Variants in ZNF385B observed in about 807,000 individuals in gnomAD.
ZNF385B encodes the protein zinc finger protein 533.
A neutral mutation model predicts 39.2 loss-of-function variants in ZNF385B; 23 were observed. The ratio of observed to expected loss-of-function variants is 0.59; its 90% CI spans 0.42 to 0.83. The LOEUF (loss-of-function observed/expected upper bound fraction) is 0.83, where lower values mean the gene tolerates loss of function less well. ZNF385B is among the 40% of genes least tolerant of loss of function. The pLI, the probability that ZNF385B is intolerant of heterozygous loss-of-function variation, is 0.00. For synonymous variants in ZNF385B, 205 were observed against 222.6 expected, an observed-to-expected ratio of 0.92 and a Z score of 0.70; for missense variants, 552 against 598.9, an observed-to-expected ratio of 0.92 and a Z score of 0.82.
At chr2:179,691,127 A>AT (rs1372146932) in intron 3 of ZNF385B, among the ~76,000 whole-genome samples, 2 of 152,156 alleles carry the variant, frequency 1.3e-5, no homozygotes, top group Non-Finnish European at 2.9e-5. Context: ...AATCACATTG[A>AT]TTTGTGCTAT....
chr2:179,695,299 A>T (rs1270133984), intron 3 of ZNF385B, among the ~76,000 whole-genome samples: 1 of 152,190 alleles, frequency 6.6e-6, no homozygotes, highest in Non-Finnish European at 1.5e-5. Flanking sequence ...TAGATATGAT[A>T]CCAAAAATAT....
At chr2:179,652,010 A>G (rs551578926) in intron 3 of ZNF385B, among the ~76,000 whole-genome samples, 1 of 152,292 alleles carries the variant, frequency 6.6e-6, no homozygotes, top group East Asian at 1.9e-4. Context: ...CTGTACTGCC[A>G]GAGAAAATTT....
intron 5 of ZNF385B, among the ~76,000 whole-genome samples, chr2:179,495,330 G>A (rs2056085165): frequency 6.6e-6 from 1 of 152,190 alleles, no homozygotes; most frequent in Non-Finnish European, 1.5e-5. Context: ...TGCCAGCTCA[G>A]CCTCAATACA....
At position 179,665,324 on chromosome 2, in the gene ZNF385B, T is replaced by A. The variant is rs531048391; in HGVS notation, c.298+104179A>T. 7.9e-5 allele frequency among the ~76,000 whole-genome samples: 12 copies of A among 152,366 alleles called. No homozygotes were observed. In the South Asian group the frequency reaches 1.7e-3, roughly 21 times the overall value. ...AATCTTTTCACCTGTAGTATCTGCATCTCTGCATCCATATAGATGAGCATC... is the reference window on the plus strand; with the variant it reads ...AATCTTTTCACCTGTAGTATCTGCAACTCTGCATCCATATAGATGAGCATC... On this transcript the variant is annotated intron_variant, in intron 3 of 9. Coordinates refer to ENST00000410066, the MANE Select transcript of ZNF385B (RefSeq NM_152520.6).
At chr2:179,713,166 C>T (rs1416539707) in intron 3 of ZNF385B, among the ~76,000 whole-genome samples, 1 of 152,188 alleles carries the variant, frequency 6.6e-6, no homozygotes, top group Non-Finnish European at 1.5e-5. Flanking sequence ...AATGCATTTT[C>T]AACTTACAAT....
chr2:179,635,315 A>T (rs943794879), intron 3 of ZNF385B, among the ~76,000 whole-genome samples: 4 of 141,056 alleles, frequency 2.8e-5, no homozygotes, highest in Middle Eastern at 3.4e-3. Flanking sequence ...GTTCTCACTC[A>T]TATGTGGGAA....
At chr2:179,788,903 G>A (rs923655454) in intron 1 of ZNF385B, among the ~76,000 whole-genome samples, 2 of 152,102 alleles carry the variant, frequency 1.3e-5, no homozygotes, top group Non-Finnish European at 2.9e-5. Context: ...CCAGAAAGAG[G>A]ATGTGTGGAA....
At chr2:179,563,527 A>G (rs1441220816) in intron 3 of ZNF385B, among the ~76,000 whole-genome samples, 1 of 152,200 alleles carries the variant, frequency 6.6e-6, no homozygotes, top group Non-Finnish European at 1.5e-5. Flanking sequence ...GAGATTTAGT[A>G]TATCTGCTTA....
intron 3 of ZNF385B, among the ~76,000 whole-genome samples, chr2:179,744,372 C>A (rs1021445279): frequency 2.0e-5 from 3 of 150,588 alleles, no homozygotes; most frequent in East Asian, 3.9e-4. Context: ...TTTGACAGTA[C>A]ACCGAAATCC....
chr2:179,489,649 T>C (rs2054988172), intron 5 of ZNF385B, among the ~76,000 whole-genome samples: 2 of 152,222 alleles, frequency 1.3e-5, no homozygotes, highest in South Asian at 4.1e-4. Context: ...TTTCTGCATA[T>C]ATTTCTGGCA....
intron 6 of ZNF385B, among the ~76,000 whole-genome samples, chr2:179,482,666 T>C (rs1166795845): frequency 1.3e-5 from 2 of 152,222 alleles, no homozygotes; most frequent in East Asian, 1.9e-4. Context: ...GTTTGTAACG[T>C]TGGAAATCAT....
At chr2:179,719,110 G>A (rs2093602291) in intron 3 of ZNF385B, among the ~76,000 whole-genome samples, 1 of 151,976 alleles carries the variant, frequency 6.6e-6, no homozygotes, top group Non-Finnish European at 1.5e-5. Context: ...AGTCTCCTAA[G>A]TTTCTATATG....
At chr2:179,464,114 T>C (rs2051689155) in intron 6 of ZNF385B, among the ~76,000 whole-genome samples, 1 of 152,230 alleles carries the variant, frequency 6.6e-6, no homozygotes, top group African/African-American at 2.4e-5. Flanking sequence ...ATGATGAGCA[T>C]TTTTTCATAT....
chr2:179,851,127 G>A (rs758398278), intron 1 of ZNF385B, among the ~76,000 whole-genome samples: 9 of 152,160 alleles, frequency 5.9e-5, no homozygotes, highest in Non-Finnish European at 1.2e-4. Flanking sequence ...AATCTCTTCA[G>A]TTACCATTGA....
chr2:179,468,765 G>C (rs991314326), intron 6 of ZNF385B, among the ~76,000 whole-genome samples: 1 of 152,096 alleles, frequency 6.6e-6, no homozygotes, highest in East Asian at 1.9e-4. Flanking sequence ...GGAGGAAACT[G>C]AGTCTTTCTT....
intron 3 of ZNF385B, among the ~76,000 whole-genome samples, chr2:179,574,813 G>C (rs556193431): frequency 6.6e-6 from 1 of 152,236 alleles, no homozygotes; most frequent in South Asian, 2.1e-4. Context: ...ATGTTAGGGG[G>C]GAAGGGCTTT....
At chr2:179,559,650 T>A (rs980692673) in intron 3 of ZNF385B, among the ~76,000 whole-genome samples, 9 of 152,108 alleles carry the variant, frequency 5.9e-5, no homozygotes, top group East Asian at 5.8e-4. Flanking sequence ...GGGTTTTTTT[T>A]AATATCATAT....
chr2:179,585,357 G>A (rs1686971724), intron 3 of ZNF385B, among the ~76,000 whole-genome samples: 1 of 152,132 alleles, frequency 6.6e-6, no homozygotes, highest in Admixed American at 6.5e-5. Context: ...CTGAATGTAA[G>A]CACCAATGGA....
Position 179,845,988 on chromosome 2 carries a change from T to C in ZNF385B, c.-155+15113A>G, listed in dbSNP as rs548444642. Among the ~76,000 whole-genome samples the C allele has an allele frequency of 1.1e-4, 16 of 152,326 alleles. No homozygotes were observed. The South Asian group carries it at 3.3e-3, about 32-fold the overall frequency. ...AAGGGGACGTTTCAGAGATTCTCTC[T>C]TAGACTACATTCTCTTCACTGGCAT... is the stretch of plus-strand genomic sequence containing the variant. On this transcript the variant is annotated intron_variant, in intron 1 of 9. Transcript: ENST00000410066.
Sources: gnomAD v4.1 joint callset for allele counts (sites outside exome capture counted in the v4.1 genomes callset) on GRCh38, gnomAD v4.1.1 for gene constraint, MANE v1.5 for transcripts, NCBI Gene and HGNC (gene_info 2026-07-23, HGNC 2026-07-21) for gene names.